The following SAP30L variants were observed in gnomAD, a reference collection of about 807,000 sequenced individuals.
SAP30L encodes the protein SAP30 like.
Under a neutral mutation model 22.3 loss-of-function variants are expected in SAP30L, and 10 were observed. That is an observed-to-expected ratio of 0.45 (90% CI 0.28 to 0.76). The LOEUF (loss-of-function observed/expected upper bound fraction) is 0.76. SAP30L is among the 30% of genes least tolerant of loss of function. The pLI is 0.14. For synonymous variants in SAP30L, 91 were observed against 94.1 expected, an observed-to-expected ratio of 0.97 and a Z score of 0.19; for missense variants, 206 against 237.9, an observed-to-expected ratio of 0.87 and a Z score of 0.88.
chr5:154,456,090 AT>A lies in SAP30L; in HGVS notation c.*65del. 6.5e-7 allele frequency: 1 copy of A among 1,531,560 alleles called. No homozygotes were observed. Among genetic ancestry groups the A allele is most frequent in the Non-Finnish European group, 8.8e-7 (1 of 1,130,854 alleles). The allele number at this position is 1,531,560 out of a possible 1,614,324, so 94.9% of individuals were successfully genotyped here. On this transcript the variant is annotated 3_prime_UTR_variant, in exon 4 of 4. Coordinates refer to ENST00000297109, the MANE Select transcript of SAP30L (RefSeq NM_024632.6). ...TTGATGCACAGGTGATATCTACTAC[AT>A]TTAAGCCCATAAAGACTGTTAAATA...
At chr5:154,455,793 T>G (rs200312753) in intron 3 of SAP30L, 107 bp from the exon 4 acceptor site, 1 of 1,381,862 alleles carries the variant, frequency 7.2e-7, no homozygotes, top group African/African-American at 1.5e-5. Context: ...CATTTGTCAT[T>G]CCCGCCACAG....
chr5:154,452,281 G>T, intron 2 of SAP30L: 1 of 166,830 alleles, frequency 6.0e-6, no homozygotes, highest in Non-Finnish European at 1.2e-5. Flanking sequence ...TTCCAATGTT[G>T]GTTTACAGAA....
chr5:154,446,830 G>T, intron 1 of SAP30L, 25 bp downstream of exon 1: 1 of 1,577,344 alleles, frequency 6.3e-7, no homozygotes, highest in South Asian at 1.1e-5. Flanking sequence ...GCTCGCGTCT[G>T]GGCCCCGGCG....
chr5:154,455,087 T>C (rs951768713), intron 3 of SAP30L, among the ~76,000 whole-genome samples: 5 of 152,118 alleles, frequency 3.3e-5, no homozygotes, highest in Non-Finnish European at 7.3e-5. Flanking sequence ...CCGGCTAATC[T>C]TTGTATTTTT....
chr5:154,453,443 T>C lies in SAP30L; in HGVS notation c.366T>C (p.Tyr122=), dbSNP rs1757195227. ...TGCAGGTGAACACCCTACGACGTTA[T>C]AAACGACACTACAAGTTGCAGACCA... ...FQLQVNTLRR[Y]KRHYKLQTRP... The change falls in exon 3 of 4, where the codon TAT becomes TAC. Residue 122 remains tyrosine (Y), a synonymous_variant. Transcript: ENST00000297109. 3.7e-6 allele frequency: 6 copies of C among 1,614,056 alleles called. No individual in the cohort carries two copies. The highest frequency in any genetic ancestry group is 3.3e-5 in the Admixed American group (2 of 60,006).
In SAP30L at chr5:154,459,200, A is replaced by G. The variant is rs1757324242; in HGVS notation, c.*3172A>G. 1 of 152,254 alleles carries G rather than the reference A, an allele frequency of 6.6e-6. No homozygotes were observed. The highest frequency in any genetic ancestry group is 6.5e-5 in the Admixed American group (1 of 15,284). The allele number at this position is 152,254 out of a possible 1,614,324, so 9.4% of individuals were successfully genotyped here. On this transcript the variant is annotated 3_prime_UTR_variant, in exon 4 of 4. Transcript: ENST00000297109. ...ATGGAAGTCATCCAAAGGCGCTCTC[A>G]GTCATTACAATGACAGGATCTCAAA...
rs2113289323 is a variant in SAP30L, at chr5:154,460,543, G to T, written c.*4515G>T. The T allele has an allele frequency of 6.6e-6, 1 of 152,304 alleles. No homozygotes were observed. Among genetic ancestry groups the T allele is most frequent in the Non-Finnish European group, 1.5e-5 (1 of 68,038 alleles). 9.4% of individuals were successfully genotyped at this position (152,304 alleles called of 1,614,324 possible). ...ATTATAGACTGTTTCCAAGTTTATG[G>T]TTAGAAATGGTAAAGTGGGTCTGGT... On this transcript the variant is annotated 3_prime_UTR_variant, in exon 4 of 4. Coordinates refer to ENST00000297109, the MANE Select transcript of SAP30L (RefSeq NM_024632.6).
At position 154,458,479 on chromosome 5, in the gene SAP30L, G is replaced by A. The variant is rs371541276; in HGVS notation, c.*2451G>A. 4.6e-5 allele frequency: 7 copies of A among 152,416 alleles called. No individual in the cohort carries two copies. The highest frequency in any genetic ancestry group is 3.3e-4 in the Admixed American group (5 of 15,306). 9.4% of individuals were successfully genotyped at this position (152,416 alleles called of 1,614,324 possible). Reference sequence around the variant, plus strand: ...TCCAGAGCAACGGGGTCTGGCTTCAGGGAGCAGTGGGGTGTGGGGAAAGCA... The same window carrying A: ...TCCAGAGCAACGGGGTCTGGCTTCAAGGAGCAGTGGGGTGTGGGGAAAGCA... On this transcript the variant is annotated 3_prime_UTR_variant, in exon 4 of 4. Transcript: ENST00000297109.
chr5:154,455,818 C>A (rs1007404), intron 3 of SAP30L, 82 bp from the exon 4 acceptor site: 9 of 1,466,354 alleles, frequency 6.1e-6, no homozygotes, highest in Non-Finnish European at 8.2e-6. Flanking sequence ...CAAACAACTC[C>A]ATTCGCTTCT....
intron 1 of SAP30L, among the ~76,000 whole-genome samples, chr5:154,448,062 G>A (rs1435178065): frequency 6.2e-5 from 8 of 128,898 alleles, no homozygotes; most frequent in Admixed American, 2.7e-4. Flanking sequence ...TGCAACCTCC[G>A]CCTCCCGGGT....
chr5:154,447,963 C>CTTTTTCTTTTTTTTTTTTTTTT (rs1757058079), intron 1 of SAP30L, among the ~76,000 whole-genome samples: 2 of 114,670 alleles, frequency 1.7e-5, no homozygotes, highest in Non-Finnish European at 1.8e-5. Flanking sequence ...TTTTTTTTTT[C>CTTTTTCTTTTTTTTTTTTTTTT]TTTTTCTTTT....
chr5:154,446,650 G>T lies in SAP30L; in HGVS notation c.46G>T (p.Ala16Ser). The change falls in exon 1 of 4, where the codon GCC (alanine) becomes TCC (serine). Residue 16 changes from alanine to serine, a missense_variant. Ala to Ser is a moderately conservative substitution (Grantham distance 99). Around this residue, in one of 2 missense-constraint regions of SAP30L, gnomAD observed 70 missense variants for 50.5 expected, o/e 1.39. Coordinates refer to ENST00000297109, the MANE Select transcript of SAP30L (RefSeq NM_024632.6). ...TEEDSREGPP[A>S]APAAAAPGYG... ...GGAGGACAGCCGCGAAGGGCCCCCC[G>T]CCGCCCCAGCTGCCGCCGCCCCGGG... The T allele has an allele frequency of 6.5e-7, 1 of 1,537,142 alleles. No individual in the cohort carries two copies.
chr5:154,452,357 G>T (rs1582042257), intron 2 of SAP30L: 1 of 368,140 alleles, frequency 2.7e-6, no homozygotes, highest in African/African-American at 4.3e-5. Flanking sequence ...TTTCTAAGTG[G>T]TTTTCACCAA....
At position 154,457,683 on chromosome 5, in the gene SAP30L, T is replaced by A. The variant is rs1322176434; in HGVS notation, c.*1655T>A. ...CTTTCGCCTGTGTTCAAAATGCATG[T>A]CTAGCAGATTGCAGCCTTTTAAATT... On this transcript the variant is annotated 3_prime_UTR_variant, in exon 4 of 4. Coordinates refer to ENST00000297109, the MANE Select transcript of SAP30L (RefSeq NM_024632.6). 6.6e-6 allele frequency: 1 copy of A among 152,230 alleles called. No individual in the cohort carries two copies. Among genetic ancestry groups the A allele is most frequent in the Non-Finnish European group, 1.5e-5 (1 of 68,050 alleles). 9.4% of individuals were successfully genotyped at this position (152,230 alleles called of 1,614,324 possible). A position where few individuals can be genotyped will look rare whatever the true frequency, so the allele number is the denominator to read the frequency against.
intron 1 of SAP30L, among the ~76,000 whole-genome samples, chr5:154,450,793 G>A (rs1259241934): frequency 3.9e-5 from 6 of 152,156 alleles, no homozygotes; most frequent in Non-Finnish European, 7.4e-5. Flanking sequence ...CTTTTAGTCA[G>A]GGCCCTTCAC....
chr5:154,457,849 T>G lies in SAP30L; in HGVS notation c.*1821T>G, dbSNP rs537602051. 9.2e-5 allele frequency: 14 copies of G among 152,214 alleles called. No homozygotes were observed. The South Asian group carries it at 1.0e-3, about 11-fold the overall frequency. 9.4% of individuals were successfully genotyped at this position (152,214 alleles called of 1,614,324 possible). On this transcript the variant is annotated 3_prime_UTR_variant, in exon 4 of 4. Coordinates refer to ENST00000297109, the MANE Select transcript of SAP30L (RefSeq NM_024632.6). ...TTCACATTCACTATGTGTTTAGAGA[T>G]TCTCTCCCTGCTTACAGCTGAAGGA... is the stretch of plus-strand genomic sequence containing the variant.
At chr5:154,451,312 T>G in intron 2 of SAP30L, 99 bp downstream of exon 2, 1 of 1,311,892 alleles carries the variant, frequency 7.6e-7, no homozygotes, top group Non-Finnish European at 1.1e-6. Flanking sequence ...GAAGTAATTT[T>G]AGTCCTTTTG....
chr5:154,448,710 G>A (rs931838230), intron 1 of SAP30L, among the ~76,000 whole-genome samples: 2 of 152,196 alleles, frequency 1.3e-5, no homozygotes, highest in Non-Finnish European at 2.9e-5. Context: ...TGACTGTACT[G>A]GAAAACCTGT....
rs915528968 is a variant in SAP30L, at chr5:154,456,647, T to G, written c.*619T>G. On this transcript the variant is annotated 3_prime_UTR_variant, in exon 4 of 4. Coordinates refer to ENST00000297109, the MANE Select transcript of SAP30L (RefSeq NM_024632.6). ...CTTCACACCTCTCATGACTGAGACC[T>G]CTGCCATTTCTGTTGCTCACCACTT... The G allele has an allele frequency of 6.6e-6, 1 of 152,290 alleles. No individual in the cohort carries two copies. The highest frequency in any genetic ancestry group is 2.4e-5 in the African/African-American group (1 of 41,462). 9.4% of individuals were successfully genotyped at this position (152,290 alleles called of 1,614,324 possible). A position where few individuals can be genotyped will look rare whatever the true frequency, so the allele number is the denominator to read the frequency against.
Sources: gnomAD v4.1 joint callset for allele counts (sites outside exome capture counted in the v4.1 genomes callset) on GRCh38, gnomAD v4.1.1 for gene constraint, gnomAD v4.1.1 regional missense constraint, MANE v1.5 for transcripts, NCBI Gene and HGNC (gene_info 2026-07-23, HGNC 2026-07-21) for gene names.